The following OLFML2A variants were observed in gnomAD, a reference collection of about 807,000 sequenced individuals.
OLFML2A encodes olfactomedin like 2A.
In OLFML2A, 47 loss-of-function variants were observed where a neutral mutation model predicts 60.9. The observed-to-expected ratio is 0.77, with a 90% CI of 0.61 to 0.98. The LOEUF is 0.98. Ranked by LOEUF, OLFML2A falls within the 50% of genes least tolerant of loss-of-function variation. The pLI, the probability that OLFML2A is intolerant of heterozygous loss-of-function variation, is 0.00. For missense variants in OLFML2A, 922 were observed against 879.8 expected (o/e 1.05, Z -0.61); for synonymous variants, 372 against 375.0 (o/e 0.99, Z 0.09).
intron 2 of OLFML2A, among the ~76,000 whole-genome samples, chr9:124,788,145 A>C (rs1841510894): frequency 6.6e-6 from 1 of 150,438 alleles, no homozygotes; most frequent in African/African-American, 2.5e-5. Context: ...TGCTAAAAAT[A>C]CAAAAAATTA....
chr9:124,777,415 C>T lies in OLFML2A; in HGVS notation c.90+55C>T. 8.2e-7 allele frequency: 1 copy of T among 1,222,188 alleles called. No individual in the cohort carries two copies. Among genetic ancestry groups the T allele is most frequent in the Non-Finnish European group, 1.0e-6 (1 of 980,654 alleles). The allele number at this position is 1,222,188 out of a possible 1,614,324, so 75.7% of individuals were successfully genotyped here. A position where few individuals can be genotyped will look rare whatever the true frequency, so the allele number is the denominator to read the frequency against. The stretch of plus-strand genomic sequence containing the variant: ...CGGCGGGTAGCGGGGCGCGAGGGGG[C>T]GCTGTGGCTGGGGTGCGGCCCGGGA... On this transcript the variant is annotated intron_variant, in intron 1 of 7. Transcript: ENST00000373580. This position sits in a 1 kb window ranked among gnomAD's most constrained non-coding sequence, Gnocchi z 6.2.
chr9:124,801,019 A>G (rs1490350192), intron 4 of OLFML2A: 11 of 1,551,096 alleles, frequency 7.1e-6, no homozygotes, highest in Non-Finnish European at 9.6e-6. Flanking sequence ...GTGCCTAAGA[A>G]CCTCTCCCCT....
At chr9:124,803,688 C>G (rs1458152992) in intron 5 of OLFML2A, among the ~76,000 whole-genome samples, 2 of 152,246 alleles carry the variant, frequency 1.3e-5, no homozygotes, top group Non-Finnish European at 2.9e-5. Context: ...TTGAATCTAG[C>G]AAATGAGAGA....
At chr9:124,809,739 G>A (rs1008600139) in intron 7 of OLFML2A, 69 bp from the exon 8 acceptor site, 2 of 1,526,366 alleles carry the variant, frequency 1.3e-6, no homozygotes. Flanking sequence ...AGCCCTTGGT[G>A]GGCTCAGGGG....
In OLFML2A at chr9:124,779,112, A is replaced by G. The variant is rs1010756120; in HGVS notation, c.90+1752A>G. On this transcript the variant is annotated intron_variant, in intron 1 of 7. Coordinates refer to ENST00000373580, the MANE Select transcript of OLFML2A (RefSeq NM_182487.4). This position sits in a 1 kb window ranked among gnomAD's most constrained non-coding sequence, Gnocchi z 4.1. The stretch of plus-strand genomic sequence containing the variant: ...AAGGAGGGAATGAGTATTTTTTCTA[A>G]TTTACAGGTGGGGAAACTAGGGTGT... 1.3e-5 allele frequency: 3 copies of G among 223,146 alleles called. No individual in the cohort carries two copies. The East Asian group carries it at 5.5e-4, about 41-fold the overall frequency. 13.8% of individuals were successfully genotyped at this position (223,146 alleles called of 1,614,324 possible).
chr9:124,786,755 CA>C (rs1841480133), intron 1 of OLFML2A, among the ~76,000 whole-genome samples: 1 of 70,874 alleles, frequency 1.4e-5, no homozygotes, highest in Non-Finnish European at 2.4e-5. Flanking sequence ...CGTAGACACA[CA>C]CACACACACA....
chr9:124,789,378 G>A (rs1183803181), intron 2 of OLFML2A, among the ~76,000 whole-genome samples: 2 of 152,216 alleles, frequency 1.3e-5, no homozygotes, highest in East Asian at 1.9e-4. Flanking sequence ...GCTGGCAGAA[G>A]ATGCAGCCTC....
intron 3 of OLFML2A, among the ~76,000 whole-genome samples, chr9:124,798,598 C>T (rs145725725): frequency 0.01 from 1,581 of 151,880 alleles, 28 homozygotes; most frequent in African/African-American, 0.037. Flanking sequence ...CTTTGGGAGG[C>T]CAAGGCGGGC....
At chr9:124,780,246 G>C (rs1037945462) in intron 1 of OLFML2A, among the ~76,000 whole-genome samples, 4 of 152,216 alleles carry the variant, frequency 2.6e-5, no homozygotes, top group African/African-American at 9.7e-5. Flanking sequence ...CCTCTGGGGA[G>C]CTGCTTCTTG....
intron 3 of OLFML2A, among the ~76,000 whole-genome samples, chr9:124,798,878 G>A (rs1442315753): frequency 6.6e-6 from 1 of 152,094 alleles, no homozygotes; most frequent in East Asian, 1.9e-4. Flanking sequence ...AAAATAGGCT[G>A]TTCAGCAAAA....
In OLFML2A at chr9:124,777,298, CCG is replaced by C; in HGVS notation, c.30_31del (p.Leu11AlafsTer19). MAAAALPPR[P>X]LLLLPLVLLL... is the part of the protein sequence containing the mutation. ...GGCCGCTGCCGCCCTCCCGCCCCGG[CCG>C]CTGCTCCTTCTGCCGCTAGTGCTGC... On this transcript the variant is annotated frameshift_variant, in exon 1 of 8. Transcript: ENST00000373580. LOFTEE classifies it high-confidence loss of function. The surrounding 1 kb of genome is among the most constrained non-coding windows in gnomAD (Gnocchi z 6.2). 1.6e-6 allele frequency: 2 copies of C among 1,280,528 alleles called. No individual in the cohort carries two copies. The highest frequency in any genetic ancestry group is 2.0e-6 in the Non-Finnish European group (2 of 1,007,428). The allele number at this position is 1,280,528 out of a possible 1,614,324, so 79.3% of individuals were successfully genotyped here. A position where few individuals can be genotyped will look rare whatever the true frequency, so the allele number is the denominator to read the frequency against.
intron 2 of OLFML2A, among the ~76,000 whole-genome samples, chr9:124,791,261 T>C (rs964327196): frequency 3.3e-5 from 5 of 152,138 alleles, no homozygotes; most frequent in Non-Finnish European, 7.4e-5. Context: ...TTCTGGGTAA[T>C]GGAAAGTGGG....
At position 124,779,555 on chromosome 9, in the gene OLFML2A, G is replaced by GC. The variant is rs1260095102; in HGVS notation, c.90+2195_90+2196insC. 6.6e-6 allele frequency among the ~76,000 whole-genome samples: 1 copy of GC among 152,088 alleles called. No individual in the cohort carries two copies. The highest frequency in any genetic ancestry group is 1.9e-4 in the East Asian group (1 of 5,170). On this transcript the variant is annotated intron_variant, in intron 1 of 7. Transcript: ENST00000373580. The surrounding 1 kb of genome is among the most constrained non-coding windows in gnomAD (Gnocchi z 4.1). Reference sequence around the variant, plus strand: ...GTTGTGTGTGTGTGTGGTGGGGGGGGGGTGTTTAGCTGTCCCAGGACAAGC... The same window carrying GC: ...GTTGTGTGTGTGTGTGGTGGGGGGGGCGGTGTTTAGCTGTCCCAGGACAAGC...
chr9:124,792,543 G>A (rs1280589947), intron 2 of OLFML2A, among the ~76,000 whole-genome samples: 1 of 152,208 alleles, frequency 6.6e-6, no homozygotes, highest in East Asian at 1.9e-4. Flanking sequence ...GCATGTGCTG[G>A]CCTGGAGGAG....
chr9:124,812,726 T>C lies in OLFML2A; in HGVS notation c.*2314T>C, dbSNP rs897534903. 1 of 152,150 alleles carries C rather than the reference T, an allele frequency of 6.6e-6. No homozygotes were observed. The highest frequency in any genetic ancestry group is 2.4e-5 in the African/African-American group (1 of 41,412). 9.4% of individuals were successfully genotyped at this position (152,150 alleles called of 1,614,324 possible). On this transcript the variant is annotated 3_prime_UTR_variant, in exon 8 of 8. Transcript: ENST00000373580. ...CAAGACTGTGTCTTTCATGACATCATAGCCCAACCATGTGAGAAGAAGGAG... is the reference window on the plus strand; with the variant it reads ...CAAGACTGTGTCTTTCATGACATCACAGCCCAACCATGTGAGAAGAAGGAG...
chr9:124,787,078 G>T lies in OLFML2A; in HGVS notation c.194G>T (p.Arg65Leu). The T allele has an allele frequency of 1.2e-6, 2 of 1,614,124 alleles. No individual in the cohort carries two copies. The highest frequency in any genetic ancestry group is 8.5e-7 in the Non-Finnish European group (1 of 1,180,036). ...AGCAAGGACGCGTGTAGCCGAGTGC[G>T]CAGTGGGCGGGCACGCGTGGAGGAC... is the stretch of plus-strand genomic sequence containing the variant. ...PLSKDACSRV[R>L]SGRARVEDFY... is the part of the protein sequence containing the mutation. The change falls in exon 2 of 8, where the codon CGC becomes CTC. Residue 65 changes from arginine to leucine, a missense_variant. By Grantham distance (102) the Arg-to-Leu change is moderately radical. Coordinates refer to ENST00000373580, the MANE Select transcript of OLFML2A (RefSeq NM_182487.4).
intron 1 of OLFML2A, among the ~76,000 whole-genome samples, 185 bp from the exon 2 acceptor site, chr9:124,786,790 A>G (rs1460083555): frequency 6.7e-6 from 1 of 149,576 alleles, no homozygotes; most frequent in East Asian, 2.1e-4. Flanking sequence ...ACACACACAC[A>G]CACACACAGA....
chr9:124,789,976 A>C (rs1375259310), intron 2 of OLFML2A, among the ~76,000 whole-genome samples: 1 of 152,214 alleles, frequency 6.6e-6, no homozygotes, highest in Non-Finnish European at 1.5e-5. Context: ...TCGATAACTG[A>C]ATATTGTACA....
intron 1 of OLFML2A, among the ~76,000 whole-genome samples, chr9:124,781,888 T>C (rs1841366687): frequency 6.6e-6 from 1 of 151,990 alleles, no homozygotes; most frequent in Admixed American, 6.5e-5. Flanking sequence ...GACTCATCCA[T>C]CTCTCTGCAG....
Sources: allele counts gnomAD v4.1 joint callset (sites outside exome capture counted in the v4.1 genomes callset), GRCh38; gene constraint gnomAD v4.1.1; non-coding constraint Gnocchi (gnomAD v3.1); transcripts MANE v1.5; gene names NCBI Gene and HGNC (gene_info 2026-07-23, HGNC 2026-07-21).